The following DIAPH3 variants were observed in gnomAD, a reference collection of about 807,000 sequenced individuals.
DIAPH3 encodes diaphanous related formin 3.
DIAPH3 carries 117 observed loss-of-function variants against 144.3 expected under a neutral mutation model. The ratio of observed to expected loss-of-function variants is 0.81; its 90% CI spans 0.70 to 0.95. The LOEUF (loss-of-function observed/expected upper bound fraction) is 0.95, where lower values mean the gene tolerates loss of function less well. Among genes scored for constraint, DIAPH3 ranks in the 40% least tolerant of loss-of-function variants. The pLI is 0.00. For missense variants in DIAPH3, 1,421 were observed against 1,412.7 expected, an observed-to-expected ratio of 1.01 and a Z score of -0.09; for synonymous variants, 519 against 488.9, an observed-to-expected ratio of 1.06 and a Z score of -0.81.
At chr13:59,981,452 C>T (rs2051010378) in intron 13 of DIAPH3, among the ~76,000 whole-genome samples, 2 of 149,356 alleles carry the variant, frequency 1.3e-5, no homozygotes, top group African/African-American at 2.5e-5. Flanking sequence ...CTAGCAATTC[C>T]ATTTCTGAGA....
At chr13:59,676,963 A>G (rs1030340536) in intron 27 of DIAPH3, among the ~76,000 whole-genome samples, 5 of 152,238 alleles carry the variant, frequency 3.3e-5, no homozygotes, top group African/African-American at 1.2e-4. Context: ...TACATTAGCC[A>G]TATCTAAACA....
intron 24 of DIAPH3, among the ~76,000 whole-genome samples, chr13:59,819,289 C>A (rs555720861): frequency 1.4e-4 from 21 of 151,972 alleles, no homozygotes; most frequent in African/African-American, 4.3e-4. Flanking sequence ...CCAGGGCAGG[C>A]CTAACTTTCC....
chr13:60,036,489 T>C (rs2055232718), intron 5 of DIAPH3, among the ~76,000 whole-genome samples: 1 of 151,870 alleles, frequency 6.6e-6, no homozygotes, highest in Non-Finnish European at 1.5e-5. Flanking sequence ...GCTACCATAT[T>C]GAATAACAGG....
intron 21 of DIAPH3, among the ~76,000 whole-genome samples, chr13:59,875,260 A>G (rs2044542681): frequency 6.6e-6 from 1 of 152,192 alleles, no homozygotes; most frequent in Non-Finnish European, 1.5e-5. Context: ...TCCATTTTTT[A>G]TCTGAAGTTC....
chr13:59,880,850 T>C (rs1358368400), intron 20 of DIAPH3, among the ~76,000 whole-genome samples: 1 of 151,846 alleles, frequency 6.6e-6, no homozygotes, highest in Non-Finnish European at 1.5e-5. Flanking sequence ...GTTATTCATA[T>C]ACAATCAAGA....
intron 5 of DIAPH3, among the ~76,000 whole-genome samples, chr13:60,040,346 TTCATGGATAACA>T (rs2055566204): frequency 1.3e-5 from 2 of 151,732 alleles, no homozygotes; most frequent in South Asian, 4.2e-4. Context: ...AAAAAACTAC[TTCATGGATAACA>T]TCATGGATTC....
chr13:59,776,292 G>A (rs1227669416), intron 25 of DIAPH3, among the ~76,000 whole-genome samples: 2 of 152,044 alleles, frequency 1.3e-5, no homozygotes, highest in Admixed American at 6.5e-5. Flanking sequence ...CCTTGTAGGT[G>A]TTATCAAAAA....
chr13:59,882,643 C>A (rs2045145285), intron 20 of DIAPH3, among the ~76,000 whole-genome samples: 2 of 151,808 alleles, frequency 1.3e-5, no homozygotes, highest in Admixed American at 1.3e-4. Context: ...TGAATGGCAA[C>A]AGAAAGTCAT....
rs377298537 is a variant in DIAPH3 at position 59,716,332 on chromosome 13, C to T, written c.3320-49486G>A. ...CTGGGAATACAGGCGCCCGCCACCA[C>T]GCCCGGCTAATTTTTTGTATTTTTA... is the stretch of plus-strand genomic sequence containing the variant. On this transcript the variant is annotated intron_variant, in intron 27 of 27. Coordinates refer to ENST00000400324, the MANE Select transcript of DIAPH3 (RefSeq NM_001042517.2). Among the ~76,000 whole-genome samples, 7 of 152,244 alleles carry T rather than the reference C, an allele frequency of 4.6e-5. No individual in the cohort carries two copies. In the East Asian group the frequency reaches 7.7e-4, roughly 17 times the overall value.
intron 24 of DIAPH3, among the ~76,000 whole-genome samples, chr13:59,817,106 A>G (rs1357626449): frequency 6.6e-6 from 1 of 151,900 alleles, no homozygotes; most frequent in South Asian, 2.1e-4. Context: ...TGAAAAATGT[A>G]TTGAGATTTC....
intron 27 of DIAPH3, among the ~76,000 whole-genome samples, chr13:59,738,125 C>T (rs1389617204): frequency 6.6e-6 from 1 of 152,066 alleles, no homozygotes. Flanking sequence ...TGAGATCACG[C>T]CACTGCACTC....
At chr13:59,845,331 C>T (rs1487535147) in intron 22 of DIAPH3, among the ~76,000 whole-genome samples, 1 of 152,042 alleles carries the variant, frequency 6.6e-6, no homozygotes, top group Non-Finnish European at 1.5e-5. Context: ...TGTGAGCCAC[C>T]GCGCCTGGCT....
Position 60,145,823 on chromosome 13 carries a change from T to A in DIAPH3, c.181-12834A>T, listed in dbSNP as rs528442019. 2.6e-5 allele frequency among the ~76,000 whole-genome samples: 4 copies of A among 152,236 alleles called. No individual in the cohort carries two copies. In the East Asian group the frequency reaches 7.7e-4, roughly 29 times the overall value. On this transcript the variant is annotated intron_variant, in intron 1 of 27. Coordinates refer to ENST00000400324, the MANE Select transcript of DIAPH3 (RefSeq NM_001042517.2). The stretch of plus-strand genomic sequence containing the variant: ...TTTTTTATTTCTCATTTATAGATTT[T>A]TAAAGCTGGGGTATATACCACAAAC...
chr13:59,733,703 A>G (rs912867237), intron 27 of DIAPH3, among the ~76,000 whole-genome samples: 38 of 152,216 alleles, frequency 2.5e-4, no homozygotes, highest in African/African-American at 8.7e-4. Context: ...TCTTTTCATT[A>G]TCAACCTCGA....
At chr13:60,139,665 T>C (rs1226765313) in intron 1 of DIAPH3, among the ~76,000 whole-genome samples, 2 of 152,134 alleles carry the variant, frequency 1.3e-5, no homozygotes, top group Non-Finnish European at 2.9e-5. Flanking sequence ...AAAACAATTA[T>C]CATATTGTGG....
chr13:59,916,044 G>T (rs1289781081), intron 19 of DIAPH3, 111 bp downstream of exon 19: 3 of 905,560 alleles, frequency 3.3e-6, no homozygotes, highest in East Asian at 2.5e-5. Flanking sequence ...ATGCAGCAAT[G>T]ATTTTCCAGT....
At chr13:59,890,674 A>T (rs1431513902) in intron 20 of DIAPH3, among the ~76,000 whole-genome samples, 2 of 151,706 alleles carry the variant, frequency 1.3e-5, no homozygotes, top group Non-Finnish European at 2.9e-5. Flanking sequence ...CTTCTTCTCC[A>T]CATATATACA....
chr13:59,750,030 A>G (rs2036923143), intron 27 of DIAPH3, among the ~76,000 whole-genome samples: 1 of 152,204 alleles, frequency 6.6e-6, no homozygotes, highest in South Asian at 2.1e-4. Context: ...CTCTTGGTCA[A>G]TAAAAAGAGG....
chr13:60,138,087 A>G (rs573901355), intron 1 of DIAPH3, among the ~76,000 whole-genome samples: 1 of 152,292 alleles, frequency 6.6e-6, no homozygotes, highest in East Asian at 1.9e-4. Context: ...TTGTAAGATT[A>G]AAGACTCAGA....
Sources: allele counts gnomAD v4.1 joint callset (sites outside exome capture counted in the v4.1 genomes callset), GRCh38; gene constraint gnomAD v4.1.1; transcripts MANE v1.5; gene names NCBI Gene and HGNC (gene_info 2026-07-23, HGNC 2026-07-21).